The following BICC1 variants were observed in gnomAD, a reference collection of about 807,000 sequenced individuals.
BICC1 encodes the protein protein bicaudal C homolog 1.
In BICC1, 43 loss-of-function variants were observed where a neutral mutation model predicts 111.0. That is an observed-to-expected ratio of 0.39 (90% CI 0.30 to 0.50). BICC1 has a LOEUF of 0.50. Among genes scored for constraint, BICC1 ranks in the 20% least tolerant of loss-of-function variants. BICC1 has a pLI of 0.88. For missense variants in BICC1, 1,091 were observed against 1,203.2 expected (o/e 0.91, Z 1.38); for synonymous variants, 467 against 434.4 (o/e 1.07, Z -0.93).
chr10:58,777,786 G>A (rs1214251123), intron 3 of BICC1, among the ~76,000 whole-genome samples: 1 of 152,154 alleles, frequency 6.6e-6, no homozygotes, highest in Non-Finnish European at 1.5e-5. Flanking sequence ...CTGTGTATAG[G>A]TTGATATGGA....
At chr10:58,671,022 C>T (rs1839168561) in intron 2 of BICC1, among the ~76,000 whole-genome samples, 1 of 152,180 alleles carries the variant, frequency 6.6e-6, no homozygotes, top group Admixed American at 6.6e-5. Context: ...TGCCTTCTCT[C>T]TCGTCTTCCC....
chr10:58,718,783 CGTGCGCACGCCCGCGTGCTT>C (rs1419949269), intron 3 of BICC1, among the ~76,000 whole-genome samples: 45 of 127,928 alleles, frequency 3.5e-4, no homozygotes, highest in African/African-American at 1.4e-3. Context: ...CGCGTGCGCG[CGTGCGCACGCCCGCGTGCTT>C]ATGGGTATGT....
At chr10:58,759,028 C>T (rs1349668093) in intron 3 of BICC1, among the ~76,000 whole-genome samples, 3 of 151,810 alleles carry the variant, frequency 2.0e-5, no homozygotes, top group Admixed American at 6.6e-5. Flanking sequence ...GGCACAATCT[C>T]GGCTCATTGC....
At chr10:58,572,168 A>T (rs1658421) in intron 1 of BICC1, among the ~76,000 whole-genome samples, 69,591 of 151,898 alleles carry the variant, frequency 0.46, 16,999 homozygotes, top group Admixed American at 0.62. Flanking sequence ...CCCACTTTTA[A>T]GTGGGATTTT....
intron 10 of BICC1, 114 bp downstream of exon 10, chr10:58,796,640 T>C (rs959614820): frequency 3.9e-6 from 4 of 1,019,234 alleles, no homozygotes; most frequent in Non-Finnish European, 5.6e-6. Context: ...TCCTTTGGGC[T>C]CTAAGATCAG....
chr10:58,823,354 G>A lies in BICC1; in HGVS notation c.2794+2886G>A, dbSNP rs912001038. ...GTAGGCTTACTGAAAAATATTAGAG[G>A]AGTTTGCCTTATCATTTAAACAACA... On this transcript the variant is annotated intron_variant, in intron 20 of 20. Coordinates refer to ENST00000373886, the MANE Select transcript of BICC1 (RefSeq NM_001080512.3). 2.0e-5 allele frequency: 20 copies of A among 985,144 alleles called. No homozygotes were observed. The Admixed American group carries it at 7.4e-4, about 36-fold the overall frequency. 61.0% of individuals were successfully genotyped at this position (985,144 alleles called of 1,614,324 possible).
At chr10:58,656,560 A>C (rs891232857) in intron 2 of BICC1, among the ~76,000 whole-genome samples, 3 of 151,034 alleles carry the variant, frequency 2.0e-5, no homozygotes, top group Non-Finnish European at 3.0e-5. Context: ...CAAATCAATA[A>C]ATGTAATCCA....
intron 1 of BICC1, among the ~76,000 whole-genome samples, chr10:58,584,972 T>C (rs2132022791): frequency 6.6e-6 from 1 of 152,330 alleles, no homozygotes. Context: ...TAAATAAAAT[T>C]AGTCATTGTG....
intron 3 of BICC1, among the ~76,000 whole-genome samples, chr10:58,784,681 C>A (rs111635532): frequency 1.3e-3 from 88 of 66,728 alleles, no homozygotes; most frequent in African/African-American, 3.3e-3. Context: ...ATTAATAAAT[C>A]CAATTTATAA....
At chr10:58,725,204 T>G (rs1415122707) in intron 3 of BICC1, among the ~76,000 whole-genome samples, 1 of 152,190 alleles carries the variant, frequency 6.6e-6, no homozygotes, top group South Asian at 2.1e-4. Flanking sequence ...TGGAGCACAT[T>G]GTTGCAAATA....
intron 3 of BICC1, among the ~76,000 whole-genome samples, chr10:58,762,915 G>A (rs1842356588): frequency 6.6e-6 from 1 of 151,354 alleles, no homozygotes; most frequent in African/African-American, 2.4e-5. Flanking sequence ...ATTCTTCAGT[G>A]CCAGAGCCAA....
chr10:58,715,855 T>C lies in BICC1; in HGVS notation c.307+13712T>C, dbSNP rs1285243752. ...GAGAAAGAAAAAAGAAAAGAAGAAA[T>C]CTGATAGGTATTCATCTTCTTCATC... On this transcript the variant is annotated intron_variant, in intron 3 of 20. Coordinates refer to ENST00000373886, the MANE Select transcript of BICC1 (RefSeq NM_001080512.3). 2.5e-6 allele frequency: 3 copies of C among 1,218,600 alleles called. No individual in the cohort carries two copies. In the East Asian group the frequency reaches 7.6e-5, roughly 31 times the overall value. 75.5% of individuals were successfully genotyped at this position (1,218,600 alleles called of 1,614,324 possible).
chr10:58,640,438 G>T (rs1838089391), intron 2 of BICC1, among the ~76,000 whole-genome samples: 1 of 152,168 alleles, frequency 6.6e-6, no homozygotes, highest in Non-Finnish European at 1.5e-5. Flanking sequence ...TACATGCAAA[G>T]TCTTAAGGTG....
chr10:58,672,928 A>T (rs1488080259), intron 2 of BICC1, among the ~76,000 whole-genome samples: 1 of 152,230 alleles, frequency 6.6e-6, no homozygotes, highest in Non-Finnish European at 1.5e-5. Flanking sequence ...GAAGCTAAAG[A>T]TTCACCAGGG....
At chr10:58,625,726 G>A (rs1205335743) in intron 2 of BICC1, among the ~76,000 whole-genome samples, 1 of 152,140 alleles carries the variant, frequency 6.6e-6, no homozygotes, top group Non-Finnish European at 1.5e-5. Context: ...AAAATAGCAA[G>A]TGTTGTCTTC....
intron 2 of BICC1, among the ~76,000 whole-genome samples, chr10:58,661,232 C>T (rs1427034120): frequency 7.1e-6 from 1 of 141,778 alleles, no homozygotes; most frequent in African/African-American, 2.6e-5. Flanking sequence ...TTTTTTTGTC[C>T]CTGAAGTTCT....
rs1290193329 is a variant in BICC1 at position 58,829,964 on chromosome 10, T to C, written c.*1073T>C. ...AAATAATCATCTGACAAGACAGCAC[T>C]GTTGCCATTATAAGGAGAAATAGAT... On this transcript the variant is annotated 3_prime_UTR_variant, in exon 21 of 21. Coordinates refer to ENST00000373886, the MANE Select transcript of BICC1 (RefSeq NM_001080512.3). 6.6e-6 allele frequency: 1 copy of C among 152,172 alleles called. No homozygotes were observed. Among genetic ancestry groups the C allele is most frequent in the African/African-American group, 2.4e-5 (1 of 41,462 alleles). The allele number at this position is 152,172 out of a possible 1,614,324, so 9.4% of individuals were successfully genotyped here. A position where few individuals can be genotyped will look rare whatever the true frequency, so the allele number is the denominator to read the frequency against.
chr10:58,548,730 A>G (rs867602555), intron 1 of BICC1, among the ~76,000 whole-genome samples: 1 of 152,190 alleles, frequency 6.6e-6, no homozygotes, highest in African/African-American at 2.4e-5. Flanking sequence ...CATATAGTAC[A>G]TAATCTTTTC....
At chr10:58,730,393 C>T (rs1480452227) in intron 3 of BICC1, among the ~76,000 whole-genome samples, 2 of 152,160 alleles carry the variant, frequency 1.3e-5, no homozygotes, top group Non-Finnish European at 2.9e-5. Context: ...TGGCTACTGT[C>T]ATGGGCTGGC....
Sources: gnomAD v4.1 joint callset for allele counts (sites outside exome capture counted in the v4.1 genomes callset) on GRCh38, gnomAD v4.1.1 for gene constraint, MANE v1.5 for transcripts, NCBI Gene and HGNC (gene_info 2026-07-23, HGNC 2026-07-21) for gene names.